TRPM2: variants seen among roughly 807,000 people sequenced by gnomAD.
TRPM2 encodes the protein estrogen-responsive element-associated gene 1 protein.
A neutral mutation model predicts 174.0 loss-of-function variants in TRPM2; 161 were observed. The ratio of observed to expected loss-of-function variants is 0.93; its 90% CI spans 0.81 to 1.05. The LOEUF (loss-of-function observed/expected upper bound fraction) is 1.05, where lower values mean the gene tolerates loss of function less well. Among genes scored for constraint, TRPM2 ranks in the 50% least tolerant of loss-of-function variants. TRPM2 has a pLI of 0.00. For synonymous variants in TRPM2, 954 were observed against 861.3 expected, an observed-to-expected ratio of 1.11 and a Z score of -1.88; for missense variants, 2,057 against 2,038.0, an observed-to-expected ratio of 1.01 and a Z score of -0.18.
chr21:44,373,355 T>G (rs776155406), intron 5 of TRPM2, among the ~76,000 whole-genome samples: 1 of 152,026 alleles, frequency 6.6e-6, no homozygotes, highest in Non-Finnish European at 1.5e-5. Flanking sequence ...CCCAGCTAAT[T>G]TTTGTATTTT....
At chr21:44,441,505 T>G (rs1434008378) in intron 31 of TRPM2, among the ~76,000 whole-genome samples, 187 bp from the exon 32 acceptor site, 2 of 152,190 alleles carry the variant, frequency 1.3e-5, no homozygotes, top group African/African-American at 4.8e-5. Flanking sequence ...CTTCTTCCCC[T>G]GAAGGATCCT....
At position 44,425,673 on chromosome 21, in the gene TRPM2, C is replaced by T. The variant is rs1315029391; in HGVS notation, c.3641C>T (p.Ser1214Phe). 5.3e-6 allele frequency: 8 copies of T among 1,516,676 alleles called. No individual in the cohort carries two copies. The African/African-American group carries it at 6.9e-5, about 13-fold the overall frequency. 94.0% of individuals were successfully genotyped at this position (1,516,676 alleles called of 1,614,324 possible). Residue 1214 changes from serine (S) to phenylalanine (F), a missense_variant, in exon 25 of 32, where the codon TCC becomes TTC. Transcript: ENST00000397928. ...SSEADVPTLA[S>F]QKAAEEPDAE... ...ACGTCTTCCTGACTGTCCCCAGCCTCCCAGAAGGCCGCGGAGGAGCCGGAT... is the reference window on the plus strand; with the variant it reads ...ACGTCTTCCTGACTGTCCCCAGCCTTCCAGAAGGCCGCGGAGGAGCCGGAT...
At chr21:44,421,568 C>G (rs1039710756) in intron 22 of TRPM2, among the ~76,000 whole-genome samples, 1 of 151,900 alleles carries the variant, frequency 6.6e-6, no homozygotes, top group Non-Finnish European at 1.5e-5. Context: ...CCCAGGAGTT[C>G]AAGACCAACC....
intron 16 of TRPM2, 43 bp from the exon 17 acceptor site, chr21:44,405,099 A>C: frequency 6.2e-7 from 1 of 1,608,504 alleles, no homozygotes; most frequent in Non-Finnish European, 8.5e-7. Flanking sequence ...GGATAGTAAG[A>C]GTGACAACCT....
chr21:44,381,363 C>G (rs2048873357), intron 8 of TRPM2, among the ~76,000 whole-genome samples: 1 of 151,698 alleles, frequency 6.6e-6, no homozygotes, highest in Non-Finnish European at 1.5e-5. Flanking sequence ...AGTAGACATA[C>G]CTGCTAGGGA....
chr21:44,397,860 TGAGCACA>T lies in TRPM2; in HGVS notation c.2051_2057del (p.His684ProfsTer42). 6.2e-7 allele frequency: 1 copy of T among 1,607,324 alleles called. No individual in the cohort carries two copies. Among genetic ancestry groups the T allele is most frequent in the Non-Finnish European group, 8.5e-7 (1 of 1,177,198 alleles). ...AGATGCTGGCGCTGGCGGAGGAGTATGAGCACAGAGCCATCGGTGAGCTCTGCCGGGC... is the reference window on the plus strand; with the variant it reads ...AGATGCTGGCGCTGGCGGAGGAGTATGAGCCATCGGTGAGCTCTGCCGGGC... On this transcript the variant is annotated frameshift_variant, in exon 13 of 32. Transcript: ENST00000397928. LOFTEE classifies it high-confidence loss of function.
In TRPM2 at chr21:44,366,497, C is replaced by T. The variant is rs957234419; in HGVS notation, c.424-257C>T. On this transcript the variant is annotated intron_variant, in intron 3 of 31. Transcript: ENST00000397928. The surrounding 1 kb of genome is among the most constrained non-coding windows in gnomAD (Gnocchi z 6.0). ...GGAAAAAGTGGGTGCCGTGGGGGCA[C>T]GAGGGCTGGGGGAGGTTTGCTGAGG... 2.0e-5 allele frequency among the ~76,000 whole-genome samples: 3 copies of T among 152,068 alleles called. No homozygotes were observed. Among genetic ancestry groups the T allele is most frequent in the Admixed American group, 6.5e-5 (1 of 15,274 alleles).
At chr21:44,412,762 T>C (rs544498730) in intron 19 of TRPM2, among the ~76,000 whole-genome samples, 63 of 152,108 alleles carry the variant, frequency 4.1e-4, no homozygotes, top group African/African-American at 1.5e-3. Flanking sequence ...GTTTTTATTG[T>C]GAAAGGGTGG....
At chr21:44,351,824 G>C (rs943196305), upstream of TRPM2, among the ~76,000 whole-genome samples, 2 of 152,222 alleles carry the variant, frequency 1.3e-5, no homozygotes, top group African/African-American at 4.8e-5. Context: ...GGTCTGACCT[G>C]CTTCCCAGGG....
intron 20 of TRPM2, among the ~76,000 whole-genome samples, chr21:44,417,193 T>A (rs1336626583): frequency 1.7e-5 from 2 of 119,200 alleles, no homozygotes; most frequent in African/African-American, 6.7e-5. Context: ...AGTGGGCACG[T>A]GGGCGTGGCT....
intron 22 of TRPM2, among the ~76,000 whole-genome samples, chr21:44,419,349 C>T (rs769606753): frequency 5.9e-5 from 9 of 152,114 alleles, no homozygotes; most frequent in Non-Finnish European, 1.0e-4. Flanking sequence ...TTCCATACCT[C>T]CCTCACCTTG....
At chr21:44,365,562 G>T (rs1324195898) in intron 3 of TRPM2, among the ~76,000 whole-genome samples, 1 of 152,192 alleles carries the variant, frequency 6.6e-6, no homozygotes, top group Non-Finnish European at 1.5e-5. Context: ...GAGGGATTGA[G>T]GTATGGGGAG....
chr21:44,395,208 ATGTCTCCAGAACAG>A (rs1252817757), intron 11 of TRPM2, among the ~76,000 whole-genome samples, 192 bp from the exon 12 acceptor site: 1 of 152,210 alleles, frequency 6.6e-6, no homozygotes, highest in Non-Finnish European at 1.5e-5. Context: ...CACTTTCTAG[ATGTCTCCAGAACAG>A]TGTTTTAAAA....
At chr21:44,421,000 T>G (rs966596991) in intron 22 of TRPM2, among the ~76,000 whole-genome samples, 3 of 152,200 alleles carry the variant, frequency 2.0e-5, no homozygotes. Flanking sequence ...GCCTCCTGCC[T>G]TAAGGGAGTG....
rs1228045147 is a variant in TRPM2 at position 44,441,879 on chromosome 21, C to G, written c.*62C>G. On this transcript the variant is annotated 3_prime_UTR_variant, in exon 32 of 32. Coordinates refer to ENST00000397928, the MANE Select transcript of TRPM2 (RefSeq NM_003307.4). The stretch of plus-strand genomic sequence containing the variant: ...GTTCCCCCCAGAAACCAGGGCTTCT[C>G]TCTCCTGAGCCTGGCCAGGACTCAG... 1 of 1,520,686 alleles carries G rather than the reference C, an allele frequency of 6.6e-7. No homozygotes were observed. Among genetic ancestry groups the G allele is most frequent in the East Asian group, 2.4e-5 (1 of 42,278 alleles). The allele number at this position is 1,520,686 out of a possible 1,614,324, so 94.2% of individuals were successfully genotyped here. A position where few individuals can be genotyped will look rare whatever the true frequency, so the allele number is the denominator to read the frequency against.
intron 13 of TRPM2, among the ~76,000 whole-genome samples, chr21:44,398,206 G>GTTTTTTTTTTTTTTTTTTT (rs34051764): frequency 2.6e-4 from 38 of 144,770 alleles, no homozygotes; most frequent in African/African-American, 8.8e-4. Flanking sequence ...TTTGGAGACT[G>GTTTTTTTTTTTTTTTTTTT]TTTTTTTTTT....
intron 2 of TRPM2, among the ~76,000 whole-genome samples, chr21:44,356,934 A>C (rs893186337): frequency 2.6e-5 from 4 of 152,126 alleles, no homozygotes; most frequent in Admixed American, 6.5e-5. Flanking sequence ...CTTACATGTT[A>C]ATATGTTATA....
At chr21:44,364,019 A>C in intron 2 of TRPM2, 95 bp from the exon 3 acceptor site, 1 of 1,354,324 alleles carries the variant, frequency 7.4e-7, no homozygotes, top group Non-Finnish European at 9.9e-7. Context: ...TGGGTGGGGG[A>C]AGGTTGCGGC....
At chr21:44,422,208 T>C (rs2050575197) in intron 22 of TRPM2, 2 of 1,510,500 alleles carry the variant, frequency 1.3e-6, no homozygotes, top group Non-Finnish European at 1.8e-6. Flanking sequence ...CGCATGAGTG[T>C]GGGGTGCCAT....
Sources: allele counts gnomAD v4.1 joint callset (sites outside exome capture counted in the v4.1 genomes callset), GRCh38; gene constraint gnomAD v4.1.1; non-coding constraint Gnocchi (gnomAD v3.1); transcripts MANE v1.5; gene names NCBI Gene and HGNC (gene_info 2026-07-23, HGNC 2026-07-21).